ERICH1: variants seen among roughly 807,000 people sequenced by gnomAD.
ERICH1 encodes the protein glutamate-rich protein 1.
ERICH1 carries 56 observed loss-of-function variants against 39.6 expected under a neutral mutation model. The observed-to-expected ratio is 1.41, with a 90% CI of 1.14 to 1.77. The LOEUF is 1.77. ERICH1 is among the 40% of genes most tolerant of loss of function. The pLI, the probability that ERICH1 is intolerant of heterozygous loss-of-function variation, is 0.00. For missense variants in ERICH1, 826 were observed against 575.4 expected (o/e 1.44, Z -4.45); for synonymous variants, 313 against 223.6 (o/e 1.40, Z -3.57).
At chr8:641,995 T>C (rs984082976) in intron 3 of ERICH1, among the ~76,000 whole-genome samples, 1 of 152,204 alleles carries the variant, frequency 6.6e-6, no homozygotes, top group Non-Finnish European at 1.5e-5. Context: ...TGCCACCTGC[T>C]CAGAACAGTG....
At chr8:629,593 G>GGC (rs1797832256) in intron 3 of ERICH1, among the ~76,000 whole-genome samples, 2 of 78,684 alleles carry the variant, frequency 2.5e-5, no homozygotes, top group African/African-American at 1.1e-4. Flanking sequence ...ACCACCCACA[G>GGC]AGACAGAGCT....
At chr8:702,098 A>AT in intron 2 of ERICH1, among the ~76,000 whole-genome samples, 1 of 139,942 alleles carries the variant, frequency 7.1e-6, no homozygotes, top group African/African-American at 2.6e-5. Context: ...AAAAAAAAAA[A>AT]AGGAAAGGCA....
intron 2 of ERICH1, among the ~76,000 whole-genome samples, chr8:704,264 A>C (rs1052271894): frequency 1.3e-5 from 2 of 152,214 alleles, no homozygotes; most frequent in Non-Finnish European, 2.9e-5. Flanking sequence ...AGAAATGAAA[A>C]GACTGAGGCC....
chr8:649,643 C>T lies in ERICH1; in HGVS notation c.976+18955G>A, dbSNP rs1428038361. 2.0e-5 allele frequency among the ~76,000 whole-genome samples: 3 copies of T among 152,106 alleles called. No individual in the cohort carries two copies. In the East Asian group the frequency reaches 5.8e-4, roughly 29 times the overall value. ...GGGGCCGCGCCGGCTGCTGTGAGCC[C>T]TTCCTGCAGGAAGGTGGGCTCAGAT... On this transcript the variant is annotated intron_variant, in intron 3 of 3. Coordinates refer to the ERICH1 transcript ENST00000522706.
intron 1 of ERICH1, among the ~76,000 whole-genome samples, chr8:718,066 G>A (rs983746557): frequency 3.3e-5 from 5 of 152,178 alleles, no homozygotes; most frequent in Non-Finnish European, 7.4e-5. Flanking sequence ...TTGGATCAGA[G>A]CGCACTGAGA....
At chr8:682,309 T>C (rs1382286240) in intron 3 of ERICH1, among the ~76,000 whole-genome samples, 1 of 152,172 alleles carries the variant, frequency 6.6e-6, no homozygotes, top group African/African-American at 2.4e-5. Context: ...TAAGGAATAT[T>C]ATCCAAAATA....
intron 1 of ERICH1, among the ~76,000 whole-genome samples, chr8:730,762 C>T (rs1370444591): frequency 6.6e-6 from 1 of 152,214 alleles, no homozygotes; most frequent in Non-Finnish European, 1.5e-5. Context: ...CCGGAGCCGG[C>T]TGCAGCCCCA....
At chr8:706,594 A>G (rs928932552) in intron 2 of ERICH1, among the ~76,000 whole-genome samples, 5 of 152,080 alleles carry the variant, frequency 3.3e-5, no homozygotes, top group Non-Finnish European at 7.4e-5. Flanking sequence ...ACGAACATGG[A>G]GAAACCCCAT....
intron 1 of ERICH1, among the ~76,000 whole-genome samples, chr8:729,396 G>A (rs1245956080): frequency 6.6e-6 from 1 of 152,164 alleles, no homozygotes; most frequent in Non-Finnish European, 1.5e-5. Flanking sequence ...CCCTCCTCCT[G>A]CGGCACCTTC....
intron 2 of ERICH1, among the ~76,000 whole-genome samples, chr8:711,638 C>T (rs1401363835): frequency 2.0e-5 from 3 of 152,062 alleles, no homozygotes; most frequent in East Asian, 1.9e-4. Flanking sequence ...GCTGGGACTA[C>T]AGGCGCCCGC....
intron 2 of ERICH1, among the ~76,000 whole-genome samples, chr8:697,503 C>T (rs1355366730): frequency 1.3e-5 from 2 of 152,198 alleles, no homozygotes; most frequent in Non-Finnish European, 2.9e-5. Context: ...CTCCCAGTGA[C>T]AGGCCTGCAG....
chr8:618,345 T>C (rs754983361), intron 3 of ERICH1, among the ~76,000 whole-genome samples: 8 of 151,546 alleles, frequency 5.3e-5, no homozygotes, highest in Non-Finnish European at 1.0e-4. Context: ...TCAGTGCCTT[T>C]TGAGTGCTCG....
At chr8:678,520 A>C (rs1439560083) in intron 3 of ERICH1, among the ~76,000 whole-genome samples, 1 of 152,262 alleles carries the variant, frequency 6.6e-6, no homozygotes, top group Non-Finnish European at 1.5e-5. Context: ...CTTCAGGCTT[A>C]GATAGGTTCA....
intron 3 of ERICH1, among the ~76,000 whole-genome samples, chr8:616,888 GAC>G (rs374575773): frequency 3.0e-5 from 2 of 65,862 alleles, no homozygotes; most frequent in South Asian, 6.9e-4. Context: ...GGGAGACAGA[GAC>G]ACACACACAC....
intron 3 of ERICH1, among the ~76,000 whole-genome samples, chr8:654,379 T>C (rs1011561784): frequency 5.9e-5 from 9 of 151,982 alleles, no homozygotes; most frequent in African/African-American, 2.2e-4. Context: ...AGAGAAAACC[T>C]GGAGGGACTG....
chr8:639,260 C>T (rs985922681), intron 3 of ERICH1, among the ~76,000 whole-genome samples: 2 of 152,134 alleles, frequency 1.3e-5, no homozygotes, highest in Admixed American at 6.5e-5. Context: ...CCTTGTGACC[C>T]CAGGGTCAGC....
rs1801857796 is a variant in ERICH1, at chr8:664,276, T to G, written c.*327A>C. On this transcript the variant is annotated 3_prime_UTR_variant, in exon 6 of 6. Transcript: ENST00000262109. The stretch of plus-strand genomic sequence containing the variant: ...TTTCAGATACAAGGTGATTCAAAAC[T>G]TCATAAAAATATATGAGCTTCAAAC... 9.8e-7 allele frequency: 1 copy of G among 1,016,744 alleles called. No individual in the cohort carries two copies. Among genetic ancestry groups the G allele is most frequent in the Non-Finnish European group, 1.2e-6 (1 of 850,938 alleles). The allele number at this position is 1,016,744 out of a possible 1,614,324, so 63.0% of individuals were successfully genotyped here.
chr8:669,718 C>T (rs892516819), intron 4 of ERICH1, among the ~76,000 whole-genome samples: 1 of 152,248 alleles, frequency 6.6e-6, no homozygotes, highest in African/African-American at 2.4e-5. Context: ...GTCCACATCA[C>T]ATCGCTTAAA....
intron 2 of ERICH1, among the ~76,000 whole-genome samples, chr8:698,743 G>A (rs1452704762): frequency 1.3e-5 from 2 of 152,136 alleles, no homozygotes; most frequent in Admixed American, 6.5e-5. Flanking sequence ...CTCCTAAAGT[G>A]CTAGGATTAC....
Sources: gnomAD v4.1 joint callset for allele counts (sites outside exome capture counted in the v4.1 genomes callset) on GRCh38, gnomAD v4.1.1 for gene constraint, MANE v1.5 for transcripts, NCBI Gene and HGNC (gene_info 2026-07-23, HGNC 2026-07-21) for gene names.